Variants in ACER1 observed in about 807,000 individuals in gnomAD.
ACER1 encodes the protein alkaline ceramidase 1, also known as CTB-180A7.3.
In ACER1, 28 loss-of-function variants were observed where a neutral mutation model predicts 24.9. The observed-to-expected ratio is 1.13, with a 90% CI of 0.83 to 1.54. The LOEUF is 1.54. Ranked by LOEUF, ACER1 falls within the 40% of genes most tolerant of loss-of-function variation. ACER1 has a pLI of 0.00. For missense variants in ACER1, 352 were observed against 349.3 expected (o/e 1.01, Z -0.06); for synonymous variants, 132 against 131.4 (o/e 1.00, Z -0.03).
At chr19:6,338,099 TAAATAAAATAA>T (rs143937812), upstream of ACER1, among the ~76,000 whole-genome samples, 1,919 of 151,824 alleles carry the variant, frequency 0.013, 40 homozygotes, top group African/African-American at 0.045. Flanking sequence ...AATAGTTAAT[TAAATAAAATAA>T]AAATAAAATA....
chr19:6,349,031 G>A, the ACER1 span, among the ~76,000 whole-genome samples: 1 of 151,468 alleles, frequency 6.6e-6, no homozygotes, highest in Admixed American at 6.6e-5. Flanking sequence ...ACTCCAGCCT[G>A]GGCAACAGAG....
upstream of ACER1, among the ~76,000 whole-genome samples, chr19:6,334,428 T>A (rs908396197): frequency 3.3e-5 from 5 of 151,826 alleles, no homozygotes; most frequent in Non-Finnish European, 4.4e-5. Flanking sequence ...CACTGCAACC[T>A]CCACCTCCTG....
chr19:6,311,346 C>G (rs1015694818), intron 3 of ACER1, among the ~76,000 whole-genome samples: 1 of 151,964 alleles, frequency 6.6e-6, no homozygotes, highest in Non-Finnish European at 1.5e-5. Flanking sequence ...GAGATCGAGA[C>G]CAGCCTGGCC....
the ACER1 span, among the ~76,000 whole-genome samples, chr19:6,351,547 A>G: frequency 2.7e-5 from 4 of 148,160 alleles, no homozygotes; most frequent in Non-Finnish European, 6.0e-5. Flanking sequence ...CCTGGACAAC[A>G]TAGCAAGACC....
chr19:6,355,748 TG>T, the ACER1 span, among the ~76,000 whole-genome samples: 4 of 92,488 alleles, frequency 4.3e-5, no homozygotes, highest in African/African-American at 1.8e-4. Flanking sequence ...AGGAGGGAGG[TG>T]GGGGGGTCAG....
At chr19:6,328,827 T>C (rs2091674083) in intron 1 of ACER1, among the ~76,000 whole-genome samples, 1 of 146,978 alleles carries the variant, frequency 6.8e-6, no homozygotes, top group Non-Finnish European at 1.5e-5. Flanking sequence ...CCACCATGCC[T>C]GGCTAATTTT....
intron 1 of ACER1, 113 bp from the exon 2 acceptor site, chr19:6,312,612 C>CCTGA: frequency 1.3e-6 from 1 of 748,528 alleles, no homozygotes; most frequent in Non-Finnish European, 2.3e-6. Flanking sequence ...GCATTTCAGG[C>CCTGA]AATGCATCAA....
the ACER1 span, among the ~76,000 whole-genome samples, chr19:6,359,199 T>G: frequency 5.0e-3 from 759 of 152,174 alleles, 3 homozygotes; most frequent in Non-Finnish European, 8.1e-3. Flanking sequence ...ACCACTGTGC[T>G]CCAGCCTGGG....
the ACER1 span, among the ~76,000 whole-genome samples, chr19:6,347,692 C>T: frequency 3.3e-5 from 5 of 151,694 alleles, no homozygotes; most frequent in East Asian, 5.9e-4. Flanking sequence ...AAAAATTAGC[C>T]GGGCGTGGTG....
intron 1 of ACER1, among the ~76,000 whole-genome samples, chr19:6,314,056 C>G (rs1420676745): frequency 6.6e-6 from 1 of 152,008 alleles, no homozygotes; most frequent in African/African-American, 2.4e-5. Flanking sequence ...CACCTGAGGT[C>G]AGGCGTTCAA....
the ACER1 span, among the ~76,000 whole-genome samples, chr19:6,345,192 G>A: frequency 2.0e-5 from 3 of 152,176 alleles, no homozygotes; most frequent in East Asian, 5.8e-4. Context: ...ACCGTGCCCG[G>A]CCTCCGTGTG....
chr19:6,334,933 C>T (rs2091706817), upstream of ACER1, among the ~76,000 whole-genome samples: 1 of 149,054 alleles, frequency 6.7e-6, no homozygotes, highest in Admixed American at 6.8e-5. Flanking sequence ...TTTAAGTCAA[C>T]TTTGTGGGAA....
chr19:6,337,953 A>C (rs955085365), upstream of ACER1, among the ~76,000 whole-genome samples: 1 of 151,450 alleles, frequency 6.6e-6, no homozygotes, highest in African/African-American at 2.4e-5. Context: ...CTGGGACTAC[A>C]GGCGTGAGCC....
At chr19:6,353,632 C>G in the ACER1 span, among the ~76,000 whole-genome samples, 1 of 151,858 alleles carries the variant, frequency 6.6e-6, no homozygotes, top group East Asian at 1.9e-4. Flanking sequence ...TCAAGACCAG[C>G]TTGACCAACA....
At chr19:6,328,165 G>C (rs1023173035) in intron 1 of ACER1, among the ~76,000 whole-genome samples, 1 of 151,572 alleles carries the variant, frequency 6.6e-6, no homozygotes, top group Admixed American at 6.6e-5. Context: ...GCATAGTTGC[G>C]TAGTTGAGAC....
chr19:6,318,092 C>T (rs531670197), intron 1 of ACER1, among the ~76,000 whole-genome samples: 2 of 151,816 alleles, frequency 1.3e-5, no homozygotes, highest in South Asian at 2.1e-4. Context: ...GAGGGTGAGG[C>T]GGGCAGATCA....
At chr19:6,352,045 G>A in the ACER1 span, among the ~76,000 whole-genome samples, 1 of 136,650 alleles carries the variant, frequency 7.3e-6, no homozygotes, top group African/African-American at 2.9e-5. Context: ...GACAGGGCAA[G>A]ACTCCATCTC....
chr19:6,306,557 T>C lies in ACER1; in HGVS notation c.*157A>G. ...CAGAGATGTCACAAAGTCCATCATC[T>C]GCCTCAAGGCAGGGCAGCGCAGGAC... On this transcript the variant is annotated 3_prime_UTR_variant, in exon 6 of 6. Coordinates refer to ENST00000301452, the MANE Select transcript of ACER1 (RefSeq NM_133492.3). The C allele has an allele frequency of 1.2e-6, 1 of 868,128 alleles. No homozygotes were observed. Among genetic ancestry groups the C allele is most frequent in the South Asian group, 2.1e-5 (1 of 47,186 alleles). The allele number at this position is 868,128 out of a possible 1,614,324, so 53.8% of individuals were successfully genotyped here.
the ACER1 span, among the ~76,000 whole-genome samples, chr19:6,358,626 CAAAA>C: frequency 1.0e-5 from 1 of 95,642 alleles, no homozygotes. Context: ...GACTCCATCT[CAAAA>C]AAAAAAAAAA....
Sources: gnomAD v4.1 joint callset for allele counts (sites outside exome capture counted in the v4.1 genomes callset) on GRCh38, gnomAD v4.1.1 for gene constraint, MANE v1.5 for transcripts, NCBI Gene and HGNC (gene_info 2026-07-23, HGNC 2026-07-21) for gene names.